The following GRIP1 variants were observed in gnomAD, a reference collection of about 807,000 sequenced individuals.
The protein encoded by GRIP1 is glutamate receptor-interacting protein 1.
In GRIP1, 45 loss-of-function variants were observed where a neutral mutation model predicts 129.9. The ratio of observed to expected loss-of-function variants is 0.35; its 90% CI spans 0.27 to 0.44. The LOEUF is 0.44. Among genes scored for constraint, GRIP1 ranks in the 20% least tolerant of loss-of-function variants. The probability of loss-of-function intolerance (pLI) is 1.00; values close to 1 mark genes in which losing one functional copy is unlikely to be tolerated. For synonymous variants in GRIP1, 530 were observed against 520.8 expected (o/e 1.02, Z -0.24); for missense variants, 1,196 against 1,396.8 (o/e 0.86, Z 2.29).
chr12:66,601,772 A>G (rs1363882438), intron 1 of GRIP1, among the ~76,000 whole-genome samples: 1 of 152,246 alleles, frequency 6.6e-6, no homozygotes, highest in Non-Finnish European at 1.5e-5. Flanking sequence ...AACTTGAAAG[A>G]AAAGTCTGGT....
At chr12:66,450,957 G>A (rs1402239815) in intron 11 of GRIP1, among the ~76,000 whole-genome samples, 1 of 152,190 alleles carries the variant, frequency 6.6e-6, no homozygotes, top group Non-Finnish European at 1.5e-5. Flanking sequence ...AAATGTGGAT[G>A]GTGAATTGTC....
chr12:66,650,978 G>C (rs2032753827), intron 1 of GRIP1, among the ~76,000 whole-genome samples: 1 of 152,198 alleles, frequency 6.6e-6, no homozygotes, highest in African/African-American at 2.4e-5. Context: ...TAGCACTGCT[G>C]TAAGGACTAA....
At chr12:66,964,473 T>C (rs1403662589) in intron 1 of GRIP1, among the ~76,000 whole-genome samples, 1 of 152,080 alleles carries the variant, frequency 6.6e-6, no homozygotes, top group African/African-American at 2.4e-5. Context: ...TCATCCCTAT[T>C]GAGCTACTTT....
At chr12:67,010,897 C>T (rs961940361) in intron 1 of GRIP1, among the ~76,000 whole-genome samples, 17 of 152,154 alleles carry the variant, frequency 1.1e-4, no homozygotes, top group African/African-American at 3.9e-4. Context: ...CCTTTGGAGG[C>T]TTCCACTCCT....
intron 1 of GRIP1, among the ~76,000 whole-genome samples, chr12:66,984,980 G>A (rs957136519): frequency 5.9e-5 from 9 of 152,138 alleles, no homozygotes; most frequent in Non-Finnish European, 1.0e-4. Context: ...AAGACAGTGG[G>A]GAAAGGTGGT....
chr12:66,807,352 G>A (rs1181810584), upstream of GRIP1, among the ~76,000 whole-genome samples: 3 of 152,032 alleles, frequency 2.0e-5, no homozygotes, highest in Non-Finnish European at 4.4e-5. Context: ...CAGTGAGTGA[G>A]TTCTCATGAG....
At chr12:66,481,393 A>G (rs1232525676) in intron 7 of GRIP1, among the ~76,000 whole-genome samples, 1 of 152,222 alleles carries the variant, frequency 6.6e-6, no homozygotes, top group Non-Finnish European at 1.5e-5. Context: ...CAAATCCACA[A>G]TGAGATACCA....
At chr12:66,837,243 T>C (rs1308747491) in intron 1 of GRIP1, among the ~76,000 whole-genome samples, 1 of 152,206 alleles carries the variant, frequency 6.6e-6, no homozygotes, top group African/African-American at 2.4e-5. Flanking sequence ...AAGACACTGT[T>C]CTAATCTTTG....
At chr12:66,467,422 G>T (rs2059316547) in intron 7 of GRIP1, among the ~76,000 whole-genome samples, 1 of 152,124 alleles carries the variant, frequency 6.6e-6, no homozygotes, top group South Asian at 2.1e-4. Flanking sequence ...TTGTTTCTCT[G>T]CAGAGTCTCA....
At chr12:66,703,022 G>A (rs1325914015) in intron 1 of GRIP1, among the ~76,000 whole-genome samples, 1 of 152,172 alleles carries the variant, frequency 6.6e-6, no homozygotes, top group South Asian at 2.1e-4. Context: ...AGATGGACAT[G>A]TAAGTCACTG....
At chr12:66,820,957 T>C (rs916800353) in intron 1 of GRIP1, among the ~76,000 whole-genome samples, 5 of 152,186 alleles carry the variant, frequency 3.3e-5, no homozygotes, top group Non-Finnish European at 4.4e-5. Flanking sequence ...TCTCAAAATC[T>C]ATAGAACATA....
chr12:66,627,374 ATCAGT>A (rs2030206692), intron 1 of GRIP1, among the ~76,000 whole-genome samples: 1 of 152,178 alleles, frequency 6.6e-6, no homozygotes. Flanking sequence ...AAGTGAAAAT[ATCAGT>A]TCACTTTCTC....
intron 1 of GRIP1, among the ~76,000 whole-genome samples, chr12:66,724,549 G>A (rs989776548): frequency 2.0e-5 from 3 of 152,184 alleles, no homozygotes; most frequent in Non-Finnish European, 4.4e-5. Flanking sequence ...TTGCTTCAGT[G>A]AGGGGGCTTT....
intron 23 of GRIP1, among the ~76,000 whole-genome samples, chr12:66,361,587 A>AGCTAG (rs1009383960): frequency 3.3e-5 from 5 of 152,234 alleles, no homozygotes; most frequent in Non-Finnish European, 7.3e-5. Context: ...GCAAGCAAGC[A>AGCTAG]GCTAGTCCCC....
At chr12:66,843,691 C>T (rs1348812717) in intron 1 of GRIP1, among the ~76,000 whole-genome samples, 3 of 151,968 alleles carry the variant, frequency 2.0e-5, no homozygotes, top group Non-Finnish European at 2.9e-5. Context: ...GGTGTCAAAA[C>T]CATTTCATGG....
intron 1 of GRIP1, among the ~76,000 whole-genome samples, chr12:67,011,326 C>T (rs2042704388): frequency 6.6e-6 from 1 of 152,166 alleles, no homozygotes; most frequent in African/African-American, 2.4e-5. Flanking sequence ...AATGCAACCA[C>T]TCCTCCCCAT....
intron 1 of GRIP1, among the ~76,000 whole-genome samples, chr12:66,689,909 A>T (rs940914959): frequency 3.3e-5 from 5 of 151,898 alleles, no homozygotes; most frequent in African/African-American, 4.8e-5. Flanking sequence ...AAAATTATTT[A>T]TTTTTATTTA....
At chr12:66,989,077 G>A (rs1229485526) in intron 1 of GRIP1, among the ~76,000 whole-genome samples, 1 of 152,028 alleles carries the variant, frequency 6.6e-6, no homozygotes, top group Non-Finnish European at 1.5e-5. Flanking sequence ...TAGTCTCATA[G>A]GACACCTTAT....
chr12:66,359,619 TAATA>T (rs907668811), intron 23 of GRIP1, among the ~76,000 whole-genome samples: 2 of 152,214 alleles, frequency 1.3e-5, no homozygotes, highest in African/African-American at 4.8e-5. Context: ...GATGAGAGGC[TAATA>T]AATAGTTTAA....
Sources: allele counts gnomAD v4.1 joint callset (sites outside exome capture counted in the v4.1 genomes callset), GRCh38; gene constraint gnomAD v4.1.1; transcripts MANE v1.5; gene names NCBI Gene and HGNC (gene_info 2026-07-23, HGNC 2026-07-21).